The following TRAIP variants were observed in gnomAD, a reference collection of about 807,000 sequenced individuals.
The protein encoded by TRAIP is TRAF interacting protein.
Under a neutral mutation model 65.0 loss-of-function variants are expected in TRAIP, and 37 were observed. That is an observed-to-expected ratio of 0.57 (90% CI 0.44 to 0.75). TRAIP has a LOEUF of 0.75. Ranked by LOEUF, TRAIP falls within the 30% of genes least tolerant of loss-of-function variation. TRAIP has a pLI of 0.00. For synonymous variants in TRAIP, 187 were observed against 219.1 expected (o/e 0.85, Z 1.29); for missense variants, 481 against 579.4 (o/e 0.83, Z 1.74).
chr3:49,843,959 G>A (rs779385902), intron 4 of TRAIP, 31 bp from the exon 5 acceptor site: 3 of 1,586,688 alleles, frequency 1.9e-6, no homozygotes, highest in Admixed American at 1.7e-5. Flanking sequence ...GGAGGAAAGG[G>A]AAAGGCCTGT....
rs2081849352 is a variant in TRAIP, at chr3:49,842,670, G to C, written c.409-123C>G. On this transcript the variant is annotated intron_variant, in intron 5 of 14. Coordinates refer to ENST00000331456, the MANE Select transcript of TRAIP (RefSeq NM_005879.3). ...ATGTTTTGAAAATGCTGATAACCAT[G>C]TACTCCCAAACCCCAGGAGGTAAAG... 5 of 879,520 alleles carry C rather than the reference G, an allele frequency of 5.7e-6. No individual in the cohort carries two copies. The African/African-American group carries it at 8.3e-5, about 15-fold the overall frequency. 54.5% of individuals were successfully genotyped at this position (879,520 alleles called of 1,614,324 possible). A position where few individuals can be genotyped will look rare whatever the true frequency, so the allele number is the denominator to read the frequency against.
rs1163178225 is a variant in TRAIP, at chr3:49,829,452, G to A, written c.1287+6C>T. 2 of 1,614,120 alleles carry A rather than the reference G, an allele frequency of 1.2e-6. No individual in the cohort carries two copies. The highest frequency in any genetic ancestry group is 1.7e-6 in the Non-Finnish European group (2 of 1,180,026). The stretch of plus-strand genomic sequence containing the variant: ...AGCTCAGCTCAACATCACAGGAAAA[G>A]GATACAGGCTGGATGAATTTTGTCC... On this transcript the variant is annotated splice_donor_region_variant and intron_variant, in intron 14 of 14. Coordinates refer to ENST00000331456, the MANE Select transcript of TRAIP (RefSeq NM_005879.3).
intron 3 of TRAIP, among the ~76,000 whole-genome samples, chr3:49,846,545 G>A (rs1326721113): frequency 6.6e-6 from 1 of 152,176 alleles, no homozygotes; most frequent in Admixed American, 6.5e-5. Flanking sequence ...GAGAATTCAG[G>A]TTGGAATTGA....
At position 49,829,733 on chromosome 3, in the gene TRAIP, C is replaced by CAGGG; in HGVS notation, c.1119_1120insCCCT (p.Ala374ProfsTer7). On this transcript the variant is annotated frameshift_variant, in exon 13 of 15. Transcript: ENST00000331456. LOFTEE classifies it high-confidence loss of function. ...ACCAGTTCCTCATCTGGCTCTCCTGCACAGCTCTGGCCACCCAGTGAGAGC... is the reference window on the plus strand; with the variant it reads ...ACCAGTTCCTCATCTGGCTCTCCTGCAGGGACAGCTCTGGCCACCCAGTGAGAGC... 1.2e-6 allele frequency: 2 copies of CAGGG among 1,614,160 alleles called. No homozygotes were observed. The highest frequency in any genetic ancestry group is 1.7e-6 in the Non-Finnish European group (2 of 1,180,026).
chr3:49,838,191 G>C (rs2081804872), intron 10 of TRAIP, among the ~76,000 whole-genome samples: 1 of 152,176 alleles, frequency 6.6e-6, no homozygotes, highest in Non-Finnish European at 1.5e-5. Context: ...TTTATGCCCA[G>C]AAAAATACTG....
At chr3:49,836,992 C>A in intron 10 of TRAIP, among the ~76,000 whole-genome samples, 1 of 126,220 alleles carries the variant, frequency 7.9e-6, no homozygotes. Flanking sequence ...AGGTCTCACT[C>A]TGTCGCCCAG....
At chr3:49,855,445 T>C (rs2081962763) in intron 1 of TRAIP, among the ~76,000 whole-genome samples, 1 of 152,024 alleles carries the variant, frequency 6.6e-6, no homozygotes. Flanking sequence ...CGAGACTCCA[T>C]CTCAAAAATA....
chr3:49,855,309 G>A (rs536741204), intron 1 of TRAIP, among the ~76,000 whole-genome samples: 5 of 151,904 alleles, frequency 3.3e-5, no homozygotes, highest in Admixed American at 2.0e-4. Flanking sequence ...TTAGCTGGGC[G>A]TGGTGGCGCA....
intron 12 of TRAIP, 94 bp from the exon 13 acceptor site, chr3:49,829,860 C>T: frequency 6.3e-7 from 1 of 1,587,716 alleles, no homozygotes; most frequent in East Asian, 2.3e-5. Context: ...ATCTCTGATG[C>T]CTCACTAGGA....
intron 12 of TRAIP, 120 bp from the exon 13 acceptor site, chr3:49,829,886 G>A (rs2081717413): frequency 6.4e-7 from 1 of 1,571,798 alleles, no homozygotes; most frequent in South Asian, 1.1e-5. Context: ...GAGGGATAAT[G>A]AGTAGAATCC....
At position 49,829,161 on chromosome 3, in the gene TRAIP, C is replaced by T; in HGVS notation, c.1352G>A (p.Arg451Lys). ...GAAGAGAGAAGGCACTGTCTTCACC[C>T]TCACCCTCTGCTTAACCTTGGTCTT... ...KPKTKVKQRV[R>K]VKTVPSLFQA... Residue 451 changes from arginine to lysine, a missense_variant, in exon 15 of 15, where the codon AGG becomes AAG. By Grantham distance (26) the Arg-to-Lys change is conservative. Transcript: ENST00000331456. 1 of 1,614,240 alleles carries T rather than the reference C, an allele frequency of 6.2e-7. No individual in the cohort carries two copies. The highest frequency in any genetic ancestry group is 1.3e-5 in the African/African-American group (1 of 75,064).
chr3:49,829,392 G>T, intron 14 of TRAIP, 66 bp downstream of exon 14: 1 of 1,612,962 alleles, frequency 6.2e-7, no homozygotes, highest in African/African-American at 1.3e-5. Context: ...GCAGGCTGGG[G>T]GTATAGGTGA....
chr3:49,837,716 G>C lies in TRAIP; in HGVS notation c.884+2056C>G, dbSNP rs577330950. Among the ~76,000 whole-genome samples, 12 of 150,680 alleles carry C rather than the reference G, an allele frequency of 8.0e-5. No individual in the cohort carries two copies. The South Asian group carries it at 2.5e-3, about 32-fold the overall frequency. On this transcript the variant is annotated intron_variant, in intron 10 of 14. Coordinates refer to ENST00000331456, the MANE Select transcript of TRAIP (RefSeq NM_005879.3). ...CCTGCCTCAACCTCTCAAGTAACTG[G>C]GATTACAGGCGCCTGCCACCACACC...
chr3:49,845,040 G>A (rs1014171077), intron 3 of TRAIP, among the ~76,000 whole-genome samples: 4 of 152,172 alleles, frequency 2.6e-5, no homozygotes, highest in South Asian at 2.1e-4. Flanking sequence ...ATTCATAGTC[G>A]ACTTTCCTCC....
intron 14 of TRAIP, 112 bp from the exon 15 acceptor site, chr3:49,829,337 C>T: frequency 2.5e-6 from 4 of 1,611,340 alleles, no homozygotes; most frequent in Non-Finnish European, 2.5e-6. Context: ...GGCGCTGATA[C>T]ACAGAATGAG....
intron 5 of TRAIP, among the ~76,000 whole-genome samples, chr3:49,842,966 G>A (rs34484573): frequency 0.097 from 14,682 of 152,128 alleles, 991 homozygotes; most frequent in South Asian, 0.14. Context: ...ATGAATAATT[G>A]AGCCAGGGGA....
intron 10 of TRAIP, among the ~76,000 whole-genome samples, chr3:49,834,459 T>G (rs1255602698): frequency 6.6e-6 from 1 of 152,066 alleles, no homozygotes; most frequent in Non-Finnish European, 1.5e-5. Flanking sequence ...TGCAAAAGCA[T>G]TAAACAGGCC....
At chr3:49,829,561 C>T (rs2081714239) in intron 13 of TRAIP, 53 bp from the exon 14 acceptor site, 2 of 1,613,978 alleles carry the variant, frequency 1.2e-6, no homozygotes, top group African/African-American at 2.7e-5. Flanking sequence ...GGGGGGCTGG[C>T]CACCCATTTC....
In TRAIP at chr3:49,834,421, G is replaced by A. The variant is rs144146141; in HGVS notation, c.885-2353C>T. On this transcript the variant is annotated intron_variant, in intron 10 of 14. Coordinates refer to ENST00000331456, the MANE Select transcript of TRAIP (RefSeq NM_005879.3). Reference sequence around the variant, plus strand: ...ACACAGCAGCCAGAACCCACAAGGAGGGGGTCCATGAAGGAAAGGGAGGGC... The same window carrying A: ...ACACAGCAGCCAGAACCCACAAGGAAGGGGTCCATGAAGGAAAGGGAGGGC... 8.7e-3 allele frequency among the ~76,000 whole-genome samples: 1,332 copies of A among 152,264 alleles called. 20 individuals are homozygous for A. The highest frequency in any genetic ancestry group is 0.031 in the African/African-American group (1,277 of 41,538).
Sources: allele counts gnomAD v4.1 joint callset (sites outside exome capture counted in the v4.1 genomes callset), GRCh38; gene constraint gnomAD v4.1.1; transcripts MANE v1.5; gene names NCBI Gene and HGNC (gene_info 2026-07-23, HGNC 2026-07-21).